Variants in STRN3 observed in about 807,000 individuals in gnomAD.
STRN3 encodes the protein striatin 3, also known as striatin-3.
In STRN3, 29 loss-of-function variants were observed where a neutral mutation model predicts 95.6. That is an observed-to-expected ratio of 0.30 (90% CI 0.23 to 0.41). The LOEUF is 0.41. Ranked by LOEUF, STRN3 falls within the 10% of genes least tolerant of loss-of-function variation. STRN3 has a pLI of 1.00. For missense variants in STRN3, 890 were observed against 972.1 expected (o/e 0.92, Z 1.12); for synonymous variants, 331 against 357.6 (o/e 0.93, Z 0.84).
Position 31,022,578 on chromosome 14 carries a change from T to A in STRN3, c.282+3326A>T, listed in dbSNP as rs537092464. 4.0e-5 allele frequency among the ~76,000 whole-genome samples: 6 copies of A among 151,728 alleles called. No homozygotes were observed. The East Asian group carries it at 9.6e-4, about 24-fold the overall frequency. The stretch of plus-strand genomic sequence containing the variant: ...TTGCAGCAGCATCACAGGCGCTCAA[T>A]AAAACTTTATTGAAATGTACTCAAG... On this transcript the variant is annotated intron_variant, in intron 1 of 17. Transcript: ENST00000357479.
At chr14:30,957,483 A>AG (rs1566457460) in intron 1 of STRN3, among the ~76,000 whole-genome samples, 2 of 151,890 alleles carry the variant, frequency 1.3e-5, no homozygotes, top group African/African-American at 4.8e-5. Flanking sequence ...AGAGAGAAAA[A>AG]AGAAAATGTA....
chr14:30,975,987 G>A (rs1196752425), intron 1 of STRN3, among the ~76,000 whole-genome samples: 2 of 151,986 alleles, frequency 1.3e-5, no homozygotes, highest in African/African-American at 2.4e-5. Flanking sequence ...TCAAACCAGA[G>A]AAGGCAGAAA....
chr14:30,914,603 C>T (rs1484102449), intron 9 of STRN3, among the ~76,000 whole-genome samples: 2 of 152,160 alleles, frequency 1.3e-5, no homozygotes, highest in Non-Finnish European at 2.9e-5. Context: ...CCACCTGCCT[C>T]GGCCTCCCAA....
chr14:30,995,935 T>A (rs1284825405), intron 1 of STRN3, among the ~76,000 whole-genome samples: 2 of 152,150 alleles, frequency 1.3e-5, no homozygotes, highest in Non-Finnish European at 2.9e-5. Context: ...AATTCAGTTG[T>A]CCTCCAAAGT....
At chr14:30,915,130 A>G (rs1240482925) in intron 9 of STRN3, among the ~76,000 whole-genome samples, 15 of 152,204 alleles carry the variant, frequency 9.9e-5, no homozygotes, top group Non-Finnish European at 2.1e-4. Context: ...GGGACACATT[A>G]TACAAAAAAT....
chr14:30,944,493 C>CAT (rs1201911447), intron 5 of STRN3, among the ~76,000 whole-genome samples: 1 of 146,372 alleles, frequency 6.8e-6, no homozygotes, highest in Non-Finnish European at 1.5e-5. Context: ...AATATATACA[C>CAT]ATATATATAC....
intron 1 of STRN3, chr14:31,025,696 A>G: frequency 1.4e-6 from 1 of 728,012 alleles, no homozygotes; most frequent in Non-Finnish European, 2.1e-6. Flanking sequence ...CCGCGTAGCC[A>G]GTGAAGGTTG....
At chr14:30,929,624 T>G (rs1878381575) in intron 7 of STRN3, among the ~76,000 whole-genome samples, 2 of 152,028 alleles carry the variant, frequency 1.3e-5, no homozygotes, top group Non-Finnish European at 2.9e-5. Context: ...CACTGCATCT[T>G]TATAAAAATG....
chr14:31,024,598 T>C (rs115286398), intron 1 of STRN3, among the ~76,000 whole-genome samples: 201 of 152,326 alleles, frequency 1.3e-3, no homozygotes, highest in African/African-American at 4.7e-3. Context: ...TTGAAAAGTT[T>C]AACTTCACCC....
At chr14:30,924,285 A>ATTTTTTT (rs1566438140) in intron 8 of STRN3, among the ~76,000 whole-genome samples, 7 of 33,552 alleles carry the variant, frequency 2.1e-4, no homozygotes, top group South Asian at 1.2e-3. Context: ...CATGCCTTAA[A>ATTTTTTT]TCTTTTTTTT....
At chr14:30,915,622 T>C (rs1380966947) in intron 9 of STRN3, among the ~76,000 whole-genome samples, 1 of 152,214 alleles carries the variant, frequency 6.6e-6, no homozygotes, top group Non-Finnish European at 1.5e-5. Flanking sequence ...AGGATAATTA[T>C]ATAAAAGTCA....
intron 1 of STRN3, among the ~76,000 whole-genome samples, chr14:30,956,927 G>C (rs1281095746): frequency 1.3e-5 from 2 of 152,206 alleles, no homozygotes; most frequent in Non-Finnish European, 2.9e-5. Context: ...GGGAGGCCGA[G>C]GCAGGCAGAT....
At chr14:31,018,738 C>A in intron 1 of STRN3, 1 of 467,690 alleles carries the variant, frequency 2.1e-6, no homozygotes, top group Non-Finnish European at 4.2e-6. Context: ...AAGATGAGGG[C>A]CATGGTGCTC....
intron 15 of STRN3, among the ~76,000 whole-genome samples, chr14:30,905,066 C>G (rs769927873): frequency 6.6e-6 from 1 of 151,906 alleles, no homozygotes; most frequent in East Asian, 1.9e-4. Flanking sequence ...CTTATGTGAT[C>G]CCTATCTAAA....
chr14:31,020,732 G>A (rs192597214), intron 1 of STRN3, among the ~76,000 whole-genome samples: 1 of 152,126 alleles, frequency 6.6e-6, no homozygotes, highest in East Asian at 1.9e-4. Context: ...AACAAACTGA[G>A]AACCCACCTG....
rs377073991 is a variant in STRN3 at position 30,947,255 on chromosome 14, T to C, written c.551A>G (p.Gln184Arg). The change falls in exon 5 of 18, where the codon CAG becomes CGG. Residue 184 changes from glutamine to arginine, a missense_variant. Coordinates refer to ENST00000357479, the MANE Select transcript of STRN3 (RefSeq NM_001083893.2). ...TATTGTATCTGTATAACCTACTTCC[T>C]GAAGATACCTGTAAGAGAAAATAAA... ...QGRQLLRQYL[Q>R]EVGYTDTILD... 16 of 1,582,832 alleles carry C rather than the reference T, an allele frequency of 1.0e-5. No individual in the cohort carries two copies. The African/African-American group carries it at 2.1e-4, about 20-fold the overall frequency.
intron 6 of STRN3, 138 bp downstream of exon 6, chr14:30,936,357 G>A: frequency 1.0e-6 from 1 of 953,206 alleles, no homozygotes; most frequent in East Asian, 2.7e-5. Flanking sequence ...TGCAAAAAGA[G>A]CTGACCACAT....
At chr14:30,938,099 GT>G (rs10717397) in intron 5 of STRN3, among the ~76,000 whole-genome samples, 22,293 of 146,966 alleles carry the variant, frequency 0.15, 1,836 homozygotes, top group South Asian at 0.33. Flanking sequence ...TTTAATTGTC[GT>G]TTTTTTTTTC....
chr14:31,001,468 C>G (rs1163480481), intron 1 of STRN3, among the ~76,000 whole-genome samples: 1 of 151,588 alleles, frequency 6.6e-6, no homozygotes, highest in Non-Finnish European at 1.5e-5. Context: ...CCCAGAAGAT[C>G]AAGGTTGTAA....
Sources: allele counts gnomAD v4.1 joint callset (sites outside exome capture counted in the v4.1 genomes callset), GRCh38; gene constraint gnomAD v4.1.1; transcripts MANE v1.5; gene names NCBI Gene and HGNC (gene_info 2026-07-23, HGNC 2026-07-21).